Variants in ACKR3 observed in about 807,000 individuals in gnomAD.
ACKR3 encodes C-X-C chemokine receptor type 7.
Under a neutral mutation model 22.4 loss-of-function variants are expected in ACKR3, and 6 were observed. The observed-to-expected ratio is 0.27, with a 90% CI of 0.15 to 0.53. The LOEUF is 0.53. Ranked by LOEUF, ACKR3 falls within the 20% of genes least tolerant of loss-of-function variation. ACKR3 has a pLI of 0.96. For synonymous variants in ACKR3, 209 were observed against 205.2 expected (o/e 1.02, Z -0.16); for missense variants, 396 against 475.2 (o/e 0.83, Z 1.55).
intron 1 of ACKR3, among the ~76,000 whole-genome samples, chr2:236,576,425 T>C (rs1691413404): frequency 6.6e-6 from 1 of 152,214 alleles, no homozygotes. Flanking sequence ...CGCTGGGGGT[T>C]CATTAGAGGC....
rs148366178 is a variant in ACKR3, at chr2:236,580,356, A to C, written c.-26-84A>C. On this transcript the variant is annotated intron_variant, in intron 1 of 1. Transcript: ENST00000272928. ...AGCTGAGCCTATCAGGGCCTTGGAA[A>C]AGCATTTTTGCCTGAAACTTGAGTT... The C allele has an allele frequency of 1.0e-4, 151 of 1,472,708 alleles. 1 individual carries two copies. In the African/African-American group the frequency reaches 1.8e-3, roughly 17 times the overall value. The allele number at this position is 1,472,708 out of a possible 1,614,324, so 91.2% of individuals were successfully genotyped here. A position where few individuals can be genotyped will look rare whatever the true frequency, so the allele number is the denominator to read the frequency against.
the ACKR3 span, among the ~76,000 whole-genome samples, chr2:236,542,526 A>G: frequency 6.6e-6 from 1 of 152,208 alleles, no homozygotes; most frequent in African/African-American, 2.4e-5. Context: ...AATATCATGT[A>G]GAGCATTATG....
At chr2:236,550,988 TG>T in the ACKR3 span, among the ~76,000 whole-genome samples, 1 of 152,292 alleles carries the variant, frequency 6.6e-6, no homozygotes, top group South Asian at 2.1e-4. This position sits in a 1 kb window ranked among gnomAD's most constrained non-coding sequence, Gnocchi z 4.6. Context: ...CCACCTTGTT[TG>T]TAAGTCCTTG....
At chr2:236,555,608 G>T in the ACKR3 span, among the ~76,000 whole-genome samples, 19 of 152,138 alleles carry the variant, frequency 1.2e-4, no homozygotes, top group African/African-American at 3.9e-4. Flanking sequence ...TCCAAGAGGA[G>T]AGAGAAGCAG....
At chr2:236,544,236 C>G in the ACKR3 span, among the ~76,000 whole-genome samples, 2 of 151,848 alleles carry the variant, frequency 1.3e-5, no homozygotes, top group African/African-American at 2.4e-5. The surrounding 1 kb of genome is among the most constrained non-coding windows in gnomAD (Gnocchi z 5.0). Flanking sequence ...GATCTGCCCT[C>G]CTCAGCCTCC....
the ACKR3 span, among the ~76,000 whole-genome samples, chr2:236,537,235 T>A: frequency 1.3e-5 from 2 of 152,210 alleles, no homozygotes; most frequent in African/African-American, 4.8e-5. Context: ...ATGGGATGGC[T>A]GCCACCTGCT....
At chr2:236,539,017 T>C in the ACKR3 span, among the ~76,000 whole-genome samples, 5 of 152,230 alleles carry the variant, frequency 3.3e-5, no homozygotes, top group Non-Finnish European at 7.3e-5. Flanking sequence ...GCTGGAATGA[T>C]GCAGTATGCC....
chr2:236,549,251 C>T, the ACKR3 span, among the ~76,000 whole-genome samples: 1 of 152,208 alleles, frequency 6.6e-6, no homozygotes, highest in Non-Finnish European at 1.5e-5. The surrounding 1 kb of genome is among the most constrained non-coding windows in gnomAD (Gnocchi z 5.3). Context: ...GGAAAGGGAG[C>T]AGCTTCCACC....
intron 1 of ACKR3, among the ~76,000 whole-genome samples, chr2:236,571,307 A>G (rs1481128832): frequency 3.9e-5 from 6 of 152,148 alleles, no homozygotes; most frequent in Non-Finnish European, 5.9e-5. Context: ...ACAACTGCAG[A>G]GCTTAATGCC....
chr2:236,541,012 T>A, the ACKR3 span, among the ~76,000 whole-genome samples: 177 of 152,338 alleles, frequency 1.2e-3, 1 homozygote, highest in South Asian at 0.013. Flanking sequence ...CTTGCTAGCA[T>A]CTCTACATTT....
upstream of ACKR3, among the ~76,000 whole-genome samples, chr2:236,568,517 C>G (rs1691237214): frequency 6.6e-6 from 1 of 152,204 alleles, no homozygotes; most frequent in Admixed American, 6.5e-5. Flanking sequence ...ATTGCGCCGC[C>G]CTGCAGAGGC....
At chr2:236,575,395 G>A (rs771701515) in intron 1 of ACKR3, among the ~76,000 whole-genome samples, 2 of 149,136 alleles carry the variant, frequency 1.3e-5, no homozygotes, top group African/African-American at 5.0e-5. Context: ...CTGTGTGTGC[G>A]TGTGTCTGGG....
Position 236,581,002 on chromosome 2 carries a change from C to T in ACKR3, c.537C>T (p.Asp179=), listed in dbSNP as rs765800229. The change falls in exon 2 of 2, where the codon GAC becomes GAT. Residue 179 remains aspartate (D), a synonymous_variant. Coordinates refer to ENST00000272928, the MANE Select transcript of ACKR3 (RefSeq NM_020311.3). This position sits in a 1 kb window ranked among gnomAD's most constrained non-coding sequence, Gnocchi z 4.4. The part of the protein sequence containing the change: ...WLLAFCVSLP[D]TYYLKTVTSA... ...TGGCCTTCTGCGTGTCTCTGCCTGA[C>T]ACCTACTACCTGAAGACCGTCACGT... 2 of 1,614,186 alleles carry T rather than the reference C, an allele frequency of 1.2e-6. No individual in the cohort carries two copies. The highest frequency in any genetic ancestry group is 1.7e-6 in the Non-Finnish European group (2 of 1,180,048).
the ACKR3 span, among the ~76,000 whole-genome samples, chr2:236,549,670 G>T: frequency 1.3e-5 from 2 of 152,206 alleles, no homozygotes; most frequent in Non-Finnish European, 1.5e-5. The surrounding 1 kb of genome is among the most constrained non-coding windows in gnomAD (Gnocchi z 5.3). Flanking sequence ...ATCATAGTTG[G>T]TGCTGGAAGA....
intron 1 of ACKR3, among the ~76,000 whole-genome samples, chr2:236,579,336 C>G (rs890930182): frequency 1.3e-5 from 2 of 152,338 alleles, no homozygotes; most frequent in African/African-American, 4.8e-5. Flanking sequence ...ATGTCACTGT[C>G]AACAGTGCAT....
At chr2:236,543,273 C>T in the ACKR3 span, among the ~76,000 whole-genome samples, 1 of 152,064 alleles carries the variant, frequency 6.6e-6, no homozygotes, top group Non-Finnish European at 1.5e-5. Flanking sequence ...TGGCAGGCAC[C>T]CATCTGGGAG....
the ACKR3 span, among the ~76,000 whole-genome samples, chr2:236,539,631 C>T: frequency 1.3e-5 from 2 of 152,132 alleles, no homozygotes; most frequent in African/African-American, 2.4e-5. Context: ...GCTGGAATTA[C>T]AGGCATGAGC....
chr2:236,556,525 C>T, the ACKR3 span, among the ~76,000 whole-genome samples: 11 of 151,910 alleles, frequency 7.2e-5, no homozygotes, highest in African/African-American at 2.2e-4. Flanking sequence ...GAGGTTGGAG[C>T]GATTCGAGGA....
At chr2:236,556,309 G>C in the ACKR3 span, among the ~76,000 whole-genome samples, 1 of 152,152 alleles carries the variant, frequency 6.6e-6, no homozygotes, top group African/African-American at 2.4e-5. Flanking sequence ...GAGGCTGGGA[G>C]GCTGAATAAG....
Sources: gnomAD v4.1 joint callset for allele counts (sites outside exome capture counted in the v4.1 genomes callset) on GRCh38, gnomAD v4.1.1 for gene constraint, Gnocchi (gnomAD v3.1) non-coding constraint, MANE v1.5 for transcripts, NCBI Gene and HGNC (gene_info 2026-07-23, HGNC 2026-07-21) for gene names.